Variants in LIN52 observed in about 807,000 individuals in gnomAD.
LIN52 encodes lin-52 DREAM MuvB core complex component.
A neutral mutation model predicts 18.5 loss-of-function variants in LIN52; 4 were observed. The observed-to-expected ratio is 0.22, with a 90% CI of 0.11 to 0.49. The LOEUF is 0.49. LIN52 is among the 20% of genes least tolerant of loss of function. The probability of loss-of-function intolerance (pLI) is 0.97; values close to 1 mark genes in which losing one functional copy is unlikely to be tolerated. For missense variants in LIN52, 102 were observed against 139.5 expected (o/e 0.73, Z 1.35); for synonymous variants, 34 against 45.5 (o/e 0.75, Z 1.02).
At chr14:74,115,996 C>A (rs1464762112) in intron 5 of LIN52, among the ~76,000 whole-genome samples, 2 of 152,034 alleles carry the variant, frequency 1.3e-5, no homozygotes, top group African/African-American at 2.4e-5. Context: ...TGTAATTCTG[C>A]AGAAAGTGTG....
At chr14:74,147,526 G>A (rs549579638) in intron 5 of LIN52, among the ~76,000 whole-genome samples, 60 of 152,264 alleles carry the variant, frequency 3.9e-4, no homozygotes, top group African/African-American at 1.4e-3. Context: ...GGTGACTTAC[G>A]CCTGAAATCC....
chr14:74,177,002 CT>C (rs879637144), intron 5 of LIN52, among the ~76,000 whole-genome samples: 128 of 145,546 alleles, frequency 8.8e-4, no homozygotes, highest in Admixed American at 9.6e-4. Context: ...GTTGTTTCCA[CT>C]TTTTTTTTTT....
intron 5 of LIN52, among the ~76,000 whole-genome samples, chr14:74,127,445 C>T (rs2061035358): frequency 6.6e-6 from 1 of 152,146 alleles, no homozygotes; most frequent in East Asian, 1.9e-4. Flanking sequence ...AATATGAATT[C>T]AGACAGTGAC....
chr14:74,146,995 A>C (rs2061154807), intron 5 of LIN52, among the ~76,000 whole-genome samples: 1 of 152,186 alleles, frequency 6.6e-6, no homozygotes, highest in African/African-American at 2.4e-5. Flanking sequence ...ATGGTGGCTC[A>C]TGCCTGTAAA....
At chr14:74,128,718 G>T (rs2061042422) in intron 5 of LIN52, among the ~76,000 whole-genome samples, 1 of 152,202 alleles carries the variant, frequency 6.6e-6, no homozygotes, top group African/African-American at 2.4e-5. Context: ...GAGACAGGCA[G>T]ATCACTTGAG....
intron 5 of LIN52, among the ~76,000 whole-genome samples, chr14:74,179,769 G>A (rs944707664): frequency 1.3e-5 from 2 of 151,562 alleles, no homozygotes; most frequent in Non-Finnish European, 2.9e-5. Flanking sequence ...TGGTTTAATT[G>A]TGAGAAGTAT....
intron 1 of LIN52, among the ~76,000 whole-genome samples, chr14:74,086,674 A>T (rs2060734456): frequency 6.6e-6 from 1 of 152,030 alleles, no homozygotes. Context: ...AGAAGGAAAA[A>T]AAAAGAAATT....
At chr14:74,138,483 G>A (rs1000048583) in intron 5 of LIN52, among the ~76,000 whole-genome samples, 11 of 152,140 alleles carry the variant, frequency 7.2e-5, no homozygotes, top group African/African-American at 2.7e-4. Flanking sequence ...CTTCAGTTTT[G>A]TTTGCTAAGG....
intron 5 of LIN52, among the ~76,000 whole-genome samples, chr14:74,198,116 G>A (rs910319139): frequency 6.6e-6 from 1 of 152,230 alleles, no homozygotes; most frequent in Non-Finnish European, 1.5e-5. Context: ...GCAGGATGAG[G>A]ATGAGGATGA....
At chr14:74,130,278 G>GTTTGTTTTTTTTT (rs1555382571) in intron 5 of LIN52, among the ~76,000 whole-genome samples, 13 of 64,840 alleles carry the variant, frequency 2.0e-4, no homozygotes, top group African/African-American at 6.3e-4. Context: ...GCATTTTTTG[G>GTTTGTTTTTTTTT]TTTTTTTTTT....
At chr14:74,179,715 T>C (rs1000811528) in intron 5 of LIN52, among the ~76,000 whole-genome samples, 1 of 151,928 alleles carries the variant, frequency 6.6e-6, no homozygotes, top group African/African-American at 2.4e-5. Flanking sequence ...AATGTTCTCA[T>C]TTTTCCTTCT....
intron 5 of LIN52, among the ~76,000 whole-genome samples, chr14:74,119,593 A>C (rs1047044046): frequency 6.6e-6 from 1 of 152,230 alleles, no homozygotes; most frequent in Non-Finnish European, 1.5e-5. Context: ...ATCAATTTAC[A>C]AACCTATCAG....
intron 5 of LIN52, among the ~76,000 whole-genome samples, chr14:74,167,112 C>CCT (rs34326786): frequency 1.7e-5 from 2 of 119,124 alleles, no homozygotes; most frequent in Non-Finnish European, 3.4e-5. Context: ...GCCTCTGCTG[C>CCT]TTTTTTTTTT....
chr14:74,098,107 TG>T (rs1465419453), intron 4 of LIN52, among the ~76,000 whole-genome samples: 15 of 152,366 alleles, frequency 9.8e-5, no homozygotes, highest in East Asian at 3.9e-4. Context: ...AATGTGAACC[TG>T]ATTTTGTATA....
intron 5 of LIN52, among the ~76,000 whole-genome samples, chr14:74,179,672 AAAAAAAG>A (rs760141462): frequency 0.023 from 2,223 of 95,972 alleles, 15 homozygotes; most frequent in Non-Finnish European, 0.04. Context: ...AAAAAAAAGA[AAAAAAAG>A]AAAAAAAAAT....
Position 74,201,311 on chromosome 14 carries a change from G to A in LIN52, c.*2334G>A, listed in dbSNP as rs1406428682. ...CCTCCCCAGAAAGTACAACTGTAAT[G>A]ATAAATAATCTACTGTTTTCCCCCT... On this transcript the variant is annotated 3_prime_UTR_variant, in exon 6 of 6. Transcript: ENST00000555028. 6.6e-6 allele frequency: 1 copy of A among 152,112 alleles called. No individual in the cohort carries two copies. The highest frequency in any genetic ancestry group is 6.6e-5 in the Admixed American group (1 of 15,260). 9.4% of individuals were successfully genotyped at this position (152,112 alleles called of 1,614,324 possible). A position where few individuals can be genotyped will look rare whatever the true frequency, so the allele number is the denominator to read the frequency against.
chr14:74,130,279 T>TG (rs1555382578), intron 5 of LIN52, among the ~76,000 whole-genome samples: 14 of 58,684 alleles, frequency 2.4e-4, no homozygotes, highest in South Asian at 8.2e-4. Flanking sequence ...CATTTTTTGG[T>TG]TTTTTTTTTT....
chr14:74,089,620 G>A (rs2060758865), intron 1 of LIN52, among the ~76,000 whole-genome samples: 2 of 151,936 alleles, frequency 1.3e-5, no homozygotes, highest in Non-Finnish European at 2.9e-5. Context: ...CACCCACCTC[G>A]GCCTCCCAAA....
At chr14:74,108,928 A>G (rs1008348515) in intron 5 of LIN52, among the ~76,000 whole-genome samples, 2 of 152,038 alleles carry the variant, frequency 1.3e-5, no homozygotes, top group African/African-American at 4.8e-5. Context: ...CAATTTATCT[A>G]TTTTGTTGTT....
Sources: gnomAD v4.1 joint callset for allele counts (sites outside exome capture counted in the v4.1 genomes callset) on GRCh38, gnomAD v4.1.1 for gene constraint, MANE v1.5 for transcripts, NCBI Gene and HGNC (gene_info 2026-07-23, HGNC 2026-07-21) for gene names.